The following KCTD16 variants were observed in gnomAD, a reference collection of about 807,000 sequenced individuals.
KCTD16 encodes the protein BTB/POZ domain-containing protein KCTD16.
Under a neutral mutation model 33.2 loss-of-function variants are expected in KCTD16, and 13 were observed. That is an observed-to-expected ratio of 0.39 (90% CI 0.25 to 0.62). The LOEUF is 0.62. Ranked by LOEUF, KCTD16 falls within the 20% of genes least tolerant of loss-of-function variation. The pLI, the probability that KCTD16 is intolerant of heterozygous loss-of-function variation, is 0.50. For synonymous variants in KCTD16, 197 were observed against 195.3 expected, an observed-to-expected ratio of 1.01 and a Z score of -0.07; for missense variants, 441 against 525.1, an observed-to-expected ratio of 0.84 and a Z score of 1.57.
chr5:144,223,254 G>A (rs1276920588), intron 3 of KCTD16, among the ~76,000 whole-genome samples: 1 of 151,866 alleles, frequency 6.6e-6, no homozygotes, highest in African/African-American at 2.4e-5. Flanking sequence ...TAACAAACCT[G>A]CACATTGTGC....
chr5:144,176,158 A>C (rs1049701681), intron 2 of KCTD16, among the ~76,000 whole-genome samples: 3 of 152,160 alleles, frequency 2.0e-5, no homozygotes, highest in Admixed American at 2.0e-4. Flanking sequence ...AGTGCTTCTC[A>C]TATTCGATTT....
At chr5:144,407,768 C>T (rs1752844663) in intron 3 of KCTD16, among the ~76,000 whole-genome samples, 1 of 152,118 alleles carries the variant, frequency 6.6e-6, no homozygotes, top group Non-Finnish European at 1.5e-5. Context: ...TTGTTCAACT[C>T]CCTCTTATGA....
rs188875263 is a variant in KCTD16 at position 144,253,564 on chromosome 5, C to A, written c.832+46018C>A. Among the ~76,000 whole-genome samples the A allele has an allele frequency of 3.3e-5, 5 of 152,254 alleles. No homozygotes were observed. The East Asian group carries it at 9.6e-4, about 29-fold the overall frequency. On this transcript the variant is annotated intron_variant, in intron 3 of 3. Transcript: ENST00000512467. Reference sequence around the variant, plus strand: ...CTTTGTGTAACTTTACTACTTGGATCCCTCTTTTTTGGGGGTTCAGAAATA... The same window carrying A: ...CTTTGTGTAACTTTACTACTTGGATACCTCTTTTTTGGGGGTTCAGAAATA...
At chr5:144,380,134 T>C (rs889626521) in intron 3 of KCTD16, among the ~76,000 whole-genome samples, 2 of 152,118 alleles carry the variant, frequency 1.3e-5, no homozygotes, top group African/African-American at 4.8e-5. Context: ...TAAATAACTT[T>C]GGTAAAGTTT....
intron 3 of KCTD16, among the ~76,000 whole-genome samples, chr5:144,457,742 A>G (rs1754099926): frequency 6.6e-6 from 1 of 152,232 alleles, no homozygotes; most frequent in Non-Finnish European, 1.5e-5. Context: ...TGTTTTCATG[A>G]CAGTCTCATT....
chr5:144,237,541 T>A (rs1214212348), intron 3 of KCTD16, among the ~76,000 whole-genome samples: 1 of 152,162 alleles, frequency 6.6e-6, no homozygotes, highest in Non-Finnish European at 1.5e-5. Flanking sequence ...CATGGTTTTT[T>A]GGACAAAATT....
At chr5:144,443,592 C>G (rs1482490093) in intron 3 of KCTD16, among the ~76,000 whole-genome samples, 1 of 151,970 alleles carries the variant, frequency 6.6e-6, no homozygotes, top group East Asian at 1.9e-4. Flanking sequence ...TCTTAACTTA[C>G]TGATTTTCAA....
chr5:144,432,606 TC>T (rs1402934754), intron 3 of KCTD16, among the ~76,000 whole-genome samples: 1 of 152,098 alleles, frequency 6.6e-6, no homozygotes, highest in Non-Finnish European at 1.5e-5. Context: ...AGATTCATAT[TC>T]CAGTGGCAAA....
At chr5:144,260,353 G>C (rs1200656829) in intron 3 of KCTD16, among the ~76,000 whole-genome samples, 1 of 152,172 alleles carries the variant, frequency 6.6e-6, no homozygotes, top group Non-Finnish European at 1.5e-5. Flanking sequence ...CAGCTAGAAG[G>C]GGCCCAGCTG....
At chr5:144,263,373 A>G (rs1755062631) in intron 3 of KCTD16, among the ~76,000 whole-genome samples, 1 of 152,180 alleles carries the variant, frequency 6.6e-6, no homozygotes, top group African/African-American at 2.4e-5. Context: ...ATAATTATTA[A>G]GTCTCAGTGT....
chr5:144,212,911 C>G (rs1229371516), intron 3 of KCTD16, among the ~76,000 whole-genome samples: 4 of 152,106 alleles, frequency 2.6e-5, no homozygotes, highest in African/African-American at 4.8e-5. Flanking sequence ...CTTGTTTCAT[C>G]CATATTCCTA....
At chr5:144,333,817 A>G (rs1752416490) in intron 3 of KCTD16, among the ~76,000 whole-genome samples, 1 of 152,148 alleles carries the variant, frequency 6.6e-6, no homozygotes, top group Non-Finnish European at 1.5e-5. Flanking sequence ...AGCATGTCAC[A>G]TGGCTGGTTC....
At chr5:144,379,975 G>A (rs1366718903) in intron 3 of KCTD16, among the ~76,000 whole-genome samples, 7 of 151,776 alleles carry the variant, frequency 4.6e-5, no homozygotes, top group Admixed American at 4.6e-4. Context: ...ACATACTCTG[G>A]TATAGACGGC....
At chr5:144,376,646 T>A (rs1315248760) in intron 3 of KCTD16, among the ~76,000 whole-genome samples, 1 of 152,210 alleles carries the variant, frequency 6.6e-6, no homozygotes, top group Non-Finnish European at 1.5e-5. Flanking sequence ...ATATGTCATA[T>A]TTTTCCAAGT....
chr5:144,456,661 G>A (rs1422367340), intron 3 of KCTD16, among the ~76,000 whole-genome samples: 2 of 152,078 alleles, frequency 1.3e-5, no homozygotes, highest in Admixed American at 6.5e-5. Context: ...CATTTAACTG[G>A]TGAATGTATT....
At chr5:144,318,159 T>C (rs1751974505) in intron 3 of KCTD16, among the ~76,000 whole-genome samples, 1 of 152,210 alleles carries the variant, frequency 6.6e-6, no homozygotes, top group Non-Finnish European at 1.5e-5. Flanking sequence ...TGACCATTCT[T>C]GCAAATCTCT....
intron 3 of KCTD16, among the ~76,000 whole-genome samples, chr5:144,365,321 T>C (rs1314722572): frequency 6.6e-6 from 1 of 152,098 alleles, no homozygotes; most frequent in Non-Finnish European, 1.5e-5. Context: ...CTCTAAACGG[T>C]CTTACGTTAT....
chr5:144,254,311 T>G (rs1410073002), intron 3 of KCTD16, among the ~76,000 whole-genome samples: 1 of 140,762 alleles, frequency 7.1e-6, no homozygotes, highest in Non-Finnish European at 1.6e-5. Flanking sequence ...TAATTTTTTT[T>G]TTTTGTTTTT....
chr5:144,347,702 G>C (rs1752841772), intron 3 of KCTD16, among the ~76,000 whole-genome samples: 1 of 152,184 alleles, frequency 6.6e-6, no homozygotes, highest in African/African-American at 2.4e-5. Context: ...TGAAAAGGCT[G>C]AGTCTGGGAT....
Sources: allele counts gnomAD v4.1 joint callset (sites outside exome capture counted in the v4.1 genomes callset), GRCh38; gene constraint gnomAD v4.1.1; transcripts MANE v1.5; gene names NCBI Gene and HGNC (gene_info 2026-07-23, HGNC 2026-07-21).